Variants in TOGARAM1 observed in about 807,000 individuals in gnomAD.
TOGARAM1 encodes the protein TOG array regulator of axonemal microtubules protein 1.
A neutral mutation model predicts 166.6 loss-of-function variants in TOGARAM1; 100 were observed. The ratio of observed to expected loss-of-function variants is 0.60; its 90% confidence interval spans 0.51 to 0.71. The LOEUF is 0.71. TOGARAM1 is among the 30% of genes least tolerant of loss of function. The probability of loss-of-function intolerance (pLI) is 0.00; values close to 1 mark genes in which losing one functional copy is unlikely to be tolerated. For synonymous variants in TOGARAM1, 758 were observed against 763.8 expected (o/e 0.99, Z 0.13); for missense variants, 2,029 against 2,102.7 (o/e 0.96, Z 0.69).
intron 1 of TOGARAM1, among the ~76,000 whole-genome samples, chr14:44,974,589 G>A (rs1566600391): frequency 6.6e-6 from 1 of 151,944 alleles, no homozygotes; most frequent in Non-Finnish European, 1.5e-5. Context: ...CATAATGTAA[G>A]TAAAAGGAAC....
intron 3 of TOGARAM1, among the ~76,000 whole-genome samples, chr14:45,000,608 G>A (rs1887651975): frequency 6.6e-6 from 1 of 152,088 alleles, no homozygotes; most frequent in Admixed American, 6.5e-5. Context: ...TTCTGCCGAT[G>A]GACACTTAGG....
chr14:44,963,162 G>A lies in TOGARAM1; in HGVS notation c.741G>A (p.Leu247=), dbSNP rs776233602. The change falls in exon 1 of 20, where the codon TTG becomes TTA. Residue 247 remains leucine (L), a synonymous_variant. Coordinates refer to ENST00000361462, the MANE Select transcript of TOGARAM1 (RefSeq NM_001308120.2). ...CCATCTTGCTTACTACTGAGGACTT[G>A]TTGCTTGGTCTGGATCTCACCGAGG... The part of the protein sequence containing the change: ...LLPILLTTED[L]LLGLDLTEVI... 1.9e-6 allele frequency: 3 copies of A among 1,614,076 alleles called. No individual in the cohort carries two copies. In the African/African-American group the frequency reaches 4.0e-5, roughly 22 times the overall value.
intron 11 of TOGARAM1, among the ~76,000 whole-genome samples, chr14:45,033,022 T>C (rs1881248849): frequency 1.3e-5 from 2 of 151,970 alleles, no homozygotes; most frequent in Admixed American, 6.6e-5. Flanking sequence ...GAGGGTGAGG[T>C]GGGCAGATCA....
chr14:45,064,722 AG>A (rs1363593014), intron 16 of TOGARAM1, among the ~76,000 whole-genome samples: 1 of 152,192 alleles, frequency 6.6e-6, no homozygotes, highest in African/African-American at 2.4e-5. Flanking sequence ...CCAATGTAAC[AG>A]TCTCTGCTTT....
Position 44,964,057 on chromosome 14 carries a change from A to C in TOGARAM1, c.1636A>C (p.Thr546Pro). The change falls in exon 1 of 20, where the codon ACC (threonine) becomes CCC (proline). Residue 546 changes from threonine to proline, a missense_variant. Transcript: ENST00000361462. ...VLASSMGSGKTSILFKAVDTV... is the reference protein window; with the variant it reads ...VLASSMGSGKPSILFKAVDTV... ...GGCATCATCAATGGGCTCAGGTAAA[A>C]CCAGCATCCTTTTTAAAGCTGTGGA... 1 of 1,614,114 alleles carries C rather than the reference A, an allele frequency of 6.2e-7. No individual in the cohort carries two copies. The highest frequency in any genetic ancestry group is 8.5e-7 in the Non-Finnish European group (1 of 1,179,962).
rs73352236 is a variant in TOGARAM1, at chr14:45,006,126, C to A, written c.2763C>A (p.Ser921Arg). 3,759 of 1,614,046 alleles carry A rather than the reference C, an allele frequency of 2.3e-3. 56 individuals carry two copies. The African/African-American group carries it at 0.04, about 17-fold the overall frequency. The part of the protein sequence containing the change: ...KPVPPIPRGI[S>R]LLPDKADLST... ...TTCCTCCCATACCAAGGGGAATAAG[C>A]CTTTTGCCTGATAAAGCTGATTTAA... Residue 921 changes from serine (S) to arginine (R), a missense_variant, in exon 5 of 20, where the codon AGC (serine) becomes AGA (arginine). Coordinates refer to ENST00000361462, the MANE Select transcript of TOGARAM1 (RefSeq NM_001308120.2).
At chr14:45,014,922 CT>C (rs1273696669) in intron 7 of TOGARAM1, among the ~76,000 whole-genome samples, 2 of 152,150 alleles carry the variant, frequency 1.3e-5, no homozygotes, top group Non-Finnish European at 1.5e-5. Context: ...ACTTAGTGCC[CT>C]TTATTCTACA....
rs749340329 is a variant in TOGARAM1 at position 44,963,779 on chromosome 14, A to G, written c.1358A>G (p.Gln453Arg). The change falls in exon 1 of 20, where the codon CAA becomes CGA. Residue 453 changes from glutamine (Q) to arginine (R), a missense_variant. Around this residue, in one of 2 missense-constraint regions of TOGARAM1, gnomAD observed 1,453 missense variants for 1,432.2 expected, o/e 1.01. Coordinates refer to ENST00000361462, the MANE Select transcript of TOGARAM1 (RefSeq NM_001308120.2). ...GCGGACAACAAGTTGGTGATCAAAC[A>G]AGAATACATGAAAATCTTCCTCAAG... Reference protein sequence around the residue: ...VLADNKLVIKQEYMKIFLKLM... With the variant: ...VLADNKLVIKREYMKIFLKLM... 6.2e-7 allele frequency: 1 copy of G among 1,614,112 alleles called. No individual in the cohort carries two copies. Among genetic ancestry groups the G allele is most frequent in the South Asian group, 1.1e-5 (1 of 91,070 alleles).
chr14:44,999,084 A>C (rs1887568554), intron 2 of TOGARAM1, among the ~76,000 whole-genome samples: 1 of 152,340 alleles, frequency 6.6e-6, no homozygotes, highest in Non-Finnish European at 1.5e-5. Context: ...TTCCATGCTG[A>C]GAGAAAGAGT....
chr14:45,014,397 A>G (rs1879995988), intron 7 of TOGARAM1, among the ~76,000 whole-genome samples: 2 of 152,148 alleles, frequency 1.3e-5, no homozygotes, highest in Admixed American at 1.3e-4. Flanking sequence ...AGAAATCTGT[A>G]TTTTTAATAA....
chr14:45,000,130 C>T (rs759129666), intron 3 of TOGARAM1, among the ~76,000 whole-genome samples: 5 of 152,120 alleles, frequency 3.3e-5, no homozygotes, highest in Non-Finnish European at 5.9e-5. Flanking sequence ...TCCTGACTAG[C>T]TGGGACTACA....
In TOGARAM1 at chr14:44,963,304, T is replaced by TA; in HGVS notation, c.884dup (p.Tyr295Ter). The change falls in exon 1 of 20, where the codon TAC (tyrosine) becomes TAAC (stop). Residue 295 changes from tyrosine (Y) to a stop codon, truncating the protein, a stop_gained and frameshift_variant. Transcript: ENST00000361462. LOFTEE classifies it high-confidence loss of function. ...ACTTGGCCAAGACAGGTTTCAATCT[T>TA]ACATTTCTCGTCTGCCCTCTGCCCT... ...ERLGQDRFQSYISRLPSALRR... is the reference protein window; with the variant it reads ...ERLGQDRFQS The TA allele has an allele frequency of 6.2e-7, 1 of 1,614,156 alleles. No homozygotes were observed. The highest frequency in any genetic ancestry group is 8.5e-7 in the Non-Finnish European group (1 of 1,180,006).
At chr14:45,036,470 G>T (rs1165653124) in intron 11 of TOGARAM1, among the ~76,000 whole-genome samples, 1 of 152,256 alleles carries the variant, frequency 6.6e-6, no homozygotes, top group African/African-American at 2.4e-5. Flanking sequence ...GATTCAAAAA[G>T]ATGTATACCA....
Position 44,964,418 on chromosome 14 carries a change from C to T in TOGARAM1, c.1997C>T (p.Pro666Leu). Reference sequence around the variant, plus strand: ...AAATTACCATGGGAAAATGAGCAACCTGGAATCATGGGAGAAAACCAGACC... The same window carrying T: ...AAATTACCATGGGAAAATGAGCAACTTGGAATCATGGGAGAAAACCAGACC... Reference protein sequence around the residue: ...KNKLPWENEQPGIMGENQTST... With the variant: ...KNKLPWENEQLGIMGENQTST... The change falls in exon 1 of 20, where the codon CCT becomes CTT. Residue 666 changes from proline (P) to leucine (L), a missense_variant. Physicochemically the swap from Pro to Leu is moderately conservative, Grantham distance 98. This residue lies in a region of TOGARAM1 where 1,453 missense variants were observed against 1,432.2 expected (regional missense o/e 1.01). Coordinates refer to ENST00000361462, the MANE Select transcript of TOGARAM1 (RefSeq NM_001308120.2). 6.2e-7 allele frequency: 1 copy of T among 1,608,312 alleles called. No individual in the cohort carries two copies. The highest frequency in any genetic ancestry group is 8.5e-7 in the Non-Finnish European group (1 of 1,176,776).
intron 1 of TOGARAM1, among the ~76,000 whole-genome samples, chr14:44,984,153 A>T (rs1346740515): frequency 6.6e-6 from 1 of 152,208 alleles, no homozygotes; most frequent in Non-Finnish European, 1.5e-5. Context: ...GTCTACAGAT[A>T]AATGTTACAA....
chr14:45,054,061 G>T (rs924212921), intron 15 of TOGARAM1, among the ~76,000 whole-genome samples: 2 of 151,906 alleles, frequency 1.3e-5, no homozygotes, highest in African/African-American at 4.8e-5. Context: ...AGTTGAGACA[G>T]GGTTTCCCCA....
rs774798172 is a variant in TOGARAM1, at chr14:45,004,016, A to G, written c.2339-45A>G. 4 of 1,480,618 alleles carry G rather than the reference A, an allele frequency of 2.7e-6. No homozygotes were observed. In the Admixed American group the frequency reaches 6.7e-5, roughly 25 times the overall value. 91.7% of individuals were successfully genotyped at this position (1,480,618 alleles called of 1,614,324 possible). On this transcript the variant is annotated intron_variant, in intron 3 of 19. Transcript: ENST00000361462. ...AAAGCAAAAAAGCTTTTAACTGTTA[A>G]ACTGTGTATACATAAATAATATATT... is the stretch of plus-strand genomic sequence containing the variant.
intron 2 of TOGARAM1, 117 bp downstream of exon 2, chr14:44,996,019 AT>A: frequency 1.4e-6 from 1 of 719,984 alleles, no homozygotes. Flanking sequence ...TCAATAAGTT[AT>A]TTATTGAAGA....
intron 16 of TOGARAM1, among the ~76,000 whole-genome samples, chr14:45,062,713 C>A (rs1882953480): frequency 1.3e-5 from 2 of 152,064 alleles, no homozygotes; most frequent in Non-Finnish European, 1.5e-5. Flanking sequence ...ATAAAATAGG[C>A]TTTGTGGTAG....
Sources: allele counts gnomAD v4.1 joint callset (sites outside exome capture counted in the v4.1 genomes callset), GRCh38; gene constraint gnomAD v4.1.1; regional missense constraint gnomAD v4.1.1; transcripts MANE v1.5; gene names NCBI Gene and HGNC (gene_info 2026-07-23, HGNC 2026-07-21).